PDZK1: variants seen among roughly 807,000 people sequenced by gnomAD.
The protein encoded by PDZK1 is PDZ domain containing 1.
Under a neutral mutation model 38.1 loss-of-function variants are expected in PDZK1, and 23 were observed. The ratio of observed to expected loss-of-function variants is 0.60; its 90% confidence interval spans 0.43 to 0.85. The LOEUF is 0.85. Among genes scored for constraint, PDZK1 ranks in the 40% least tolerant of loss-of-function variants. The pLI, the probability that PDZK1 is intolerant of heterozygous loss-of-function variation, is 0.00. For missense variants in PDZK1, 297 were observed against 504.3 expected (o/e 0.59, Z 3.94); for synonymous variants, 98 against 186.2 (o/e 0.53, Z 3.86).
intron 1 of PDZK1, among the ~76,000 whole-genome samples, chr1:145,706,238 A>T (rs1181761440): frequency 2.6e-5 from 4 of 152,202 alleles, no homozygotes; most frequent in African/African-American, 9.6e-5. Flanking sequence ...CCCCTGGGGG[A>T]GAAGTAGCTG....
intron 1 of PDZK1, among the ~76,000 whole-genome samples, chr1:145,695,672 T>C (rs2101923396): frequency 6.6e-6 from 1 of 151,754 alleles, no homozygotes; most frequent in South Asian, 2.1e-4. Context: ...AGGATCAGAG[T>C]TGGGTTCCAA....
chr1:145,687,315 C>T (rs587620391), intron 2 of PDZK1, among the ~76,000 whole-genome samples: 105 of 149,650 alleles, frequency 7.0e-4, no homozygotes, highest in African/African-American at 2.2e-3. Flanking sequence ...GTCAGGAGAT[C>T]GAGACCATCC....
chr1:145,673,768 A>T lies in PDZK1; in HGVS notation c.1104T>A (p.Thr368=). The T allele has an allele frequency of 6.2e-7, 1 of 1,611,848 alleles. No individual in the cohort carries two copies. The highest frequency in any genetic ancestry group is 8.5e-7 in the Non-Finnish European group (1 of 1,179,812). ...TSLEVSSPPD[T]TEEVDHKPKL... ...TAGGCTTATGATCTACTTCCTCTGTAGTATCTGGTGGACTTGAGACTTCCA... is the reference window on the plus strand; with the variant it reads ...TAGGCTTATGATCTACTTCCTCTGTTGTATCTGGTGGACTTGAGACTTCCA... Residue 368 remains threonine, a synonymous_variant, in exon 7 of 9, where the codon ACT becomes ACA. Coordinates refer to ENST00000417171, the MANE Select transcript of PDZK1 (RefSeq NM_001201325.2).
chr1:145,698,417 G>A (rs1053008282), intron 1 of PDZK1, among the ~76,000 whole-genome samples: 7 of 152,154 alleles, frequency 4.6e-5, no homozygotes, highest in African/African-American at 1.4e-4. Flanking sequence ...AGCTGGCGGT[G>A]AACTAAGACA....
In PDZK1 at chr1:145,687,909, A is replaced by G; in HGVS notation, c.113T>C (p.Val38Ala). 1 of 1,612,208 alleles carries G rather than the reference A, an allele frequency of 6.2e-7. No individual in the cohort carries two copies. Residue 38 changes from valine to alanine, a missense_variant, in exon 2 of 9, where the codon GTT (valine) becomes GCT (alanine). Physicochemically the swap from Val to Ala is moderately conservative, Grantham distance 64 (BLOSUM62 0). Coordinates refer to ENST00000417171, the MANE Select transcript of PDZK1 (RefSeq NM_001201325.2). Reference sequence around the variant, plus strand: ...CTTCTCTGCTGGGCTACACTTCTCAACCACCCGGACCAGGTGGCCCTCGGT... The same window carrying G: ...CTTCTCTGCTGGGCTACACTTCTCAGCCACCCGGACCAGGTGGCCCTCGGT... ...KDTEGHLVRV[V>A]EKCSPAEKAG...
intron 1 of PDZK1, among the ~76,000 whole-genome samples, chr1:145,690,666 A>T (rs1655168238): frequency 6.6e-6 from 1 of 152,200 alleles, no homozygotes; most frequent in African/African-American, 2.4e-5. Flanking sequence ...CCAAGACTCA[A>T]CAATCTCACG....
At chr1:145,698,227 A>AGCT (rs1553704498) in intron 1 of PDZK1, among the ~76,000 whole-genome samples, 1 of 152,144 alleles carries the variant, frequency 6.6e-6, no homozygotes, top group African/African-American at 2.4e-5. Context: ...ACGGAGGAAA[A>AGCT]GCTGCTGCTT....
At chr1:145,702,720 C>T (rs1210650474) in intron 1 of PDZK1, among the ~76,000 whole-genome samples, 1 of 152,074 alleles carries the variant, frequency 6.6e-6, no homozygotes, top group Admixed American at 6.6e-5. Flanking sequence ...AGTGAAACCC[C>T]ATCTCTACTA....
intron 1 of PDZK1, among the ~76,000 whole-genome samples, chr1:145,696,167 A>T (rs587620403): frequency 6.6e-6 from 1 of 152,216 alleles, no homozygotes; most frequent in East Asian, 1.9e-4. Flanking sequence ...TTCGAACACA[A>T]CTGTGCTTTG....
At position 145,697,056 on chromosome 1, in the gene PDZK1, G is replaced by A. The variant is rs587645797; in HGVS notation, c.-2-9033C>T. The stretch of plus-strand genomic sequence containing the variant: ...ATGAAACAAAAAGGAGGCTGGATGC[G>A]GTGGCTCACACCTGTAATTCCAGTA... On this transcript the variant is annotated intron_variant, in intron 1 of 8. Coordinates refer to ENST00000417171, the MANE Select transcript of PDZK1 (RefSeq NM_001201325.2). Among the ~76,000 whole-genome samples, 217 of 152,266 alleles carry A rather than the reference G, an allele frequency of 1.4e-3. 1 individual carries two copies. The highest frequency in any genetic ancestry group is 5.2e-3 in the African/African-American group (214 of 41,548).
At chr1:145,691,687 T>A (rs1458750918) in intron 1 of PDZK1, 6 of 152,178 alleles carry the variant, frequency 3.9e-5, no homozygotes, top group Admixed American at 1.3e-4. Flanking sequence ...TACACATCTT[T>A]AGTCCCAGCT....
chr1:145,690,447 T>C (rs1468151599), intron 1 of PDZK1, among the ~76,000 whole-genome samples: 1 of 152,202 alleles, frequency 6.6e-6, no homozygotes, highest in Non-Finnish European at 1.5e-5. Context: ...GATAATGATA[T>C]TTGCTGTGAA....
chr1:145,695,762 C>T (rs1655594328), intron 1 of PDZK1, among the ~76,000 whole-genome samples: 1 of 152,128 alleles, frequency 6.6e-6, no homozygotes, highest in South Asian at 2.1e-4. Context: ...ATCCTACTCA[C>T]ACGTGATAAA....
chr1:145,682,677 T>A, intron 3 of PDZK1, 41 bp from the exon 4 acceptor site: 1 of 1,564,194 alleles, frequency 6.4e-7, no homozygotes, highest in Non-Finnish European at 8.7e-7. Context: ...GAGACACAAG[T>A]GACTCCCTCT....
chr1:145,676,448 T>C (rs1559061239), intron 6 of PDZK1, among the ~76,000 whole-genome samples: 1 of 151,644 alleles, frequency 6.6e-6, no homozygotes, highest in African/African-American at 2.4e-5. Context: ...TTAAAAAAAA[T>C]GTGTGGCCCG....
intron 1 of PDZK1, among the ~76,000 whole-genome samples, chr1:145,692,989 G>A (rs1266531442): frequency 3.3e-5 from 5 of 152,060 alleles, no homozygotes; most frequent in African/African-American, 4.8e-5. Flanking sequence ...CCAGCCTGGC[G>A]ACAGAGCAAG....
chr1:145,694,698 A>C (rs1466872687), intron 1 of PDZK1, among the ~76,000 whole-genome samples: 2 of 151,900 alleles, frequency 1.3e-5, no homozygotes, highest in African/African-American at 4.8e-5. Flanking sequence ...AGAGATCTAG[A>C]CCATCCTGGC....
intron 1 of PDZK1, 51 bp from the exon 2 acceptor site, chr1:145,688,074 G>A: frequency 6.9e-7 from 1 of 1,454,108 alleles, no homozygotes; most frequent in East Asian, 2.3e-5. Context: ...GAATCTAATT[G>A]GAGTGAGAAC....
At chr1:145,695,020 C>G (rs148463927) in intron 1 of PDZK1, among the ~76,000 whole-genome samples, 1 of 151,050 alleles carries the variant, frequency 6.6e-6, no homozygotes, top group Non-Finnish European at 1.5e-5. Context: ...TTAGGCAGGA[C>G]TTGATTTGAG....
Sources: allele counts gnomAD v4.1 joint callset (sites outside exome capture counted in the v4.1 genomes callset), GRCh38; gene constraint gnomAD v4.1.1; transcripts MANE v1.5; gene names NCBI Gene and HGNC (gene_info 2026-07-23, HGNC 2026-07-21).